The following RBFOX1 variants were observed in gnomAD, a reference collection of about 807,000 sequenced individuals.
RBFOX1 encodes the protein RNA binding fox-1 homolog 1.
A neutral mutation model predicts 57.7 loss-of-function variants in RBFOX1; 8 were observed. The observed-to-expected ratio is 0.14, with a 90% CI of 0.08 to 0.25. The LOEUF is 0.25. Ranked by LOEUF, RBFOX1 falls within the 10% of genes least tolerant of loss-of-function variation. RBFOX1 has a pLI of 1.00. For synonymous variants in RBFOX1, 326 were observed against 222.4 expected, an observed-to-expected ratio of 1.47 and a Z score of -4.15; for missense variants, 611 against 548.5, an observed-to-expected ratio of 1.11 and a Z score of -1.14.
chr16:5,907,472 G>A (rs2152199298), intron 4 of RBFOX1, among the ~76,000 whole-genome samples: 1 of 152,172 alleles, frequency 6.6e-6, no homozygotes, highest in South Asian at 2.1e-4. Context: ...GTGACATTGT[G>A]ATCCACATCT....
At chr16:7,418,485 C>A (rs951206614) in intron 4 of RBFOX1, among the ~76,000 whole-genome samples, 5 of 152,202 alleles carry the variant, frequency 3.3e-5, no homozygotes, top group African/African-American at 4.8e-5. Context: ...ATTACGCATT[C>A]TGTGTCTCTG....
chr16:6,661,667 G>A (rs2098702385), intron 3 of RBFOX1, among the ~76,000 whole-genome samples: 1 of 152,200 alleles, frequency 6.6e-6, no homozygotes, highest in Non-Finnish European at 1.5e-5. Context: ...CTGGGTGAAT[G>A]CAGGAAGCTG....
intron 3 of RBFOX1, among the ~76,000 whole-genome samples, chr16:5,788,750 C>T (rs537636585): frequency 6.6e-6 from 1 of 152,318 alleles, no homozygotes; most frequent in Non-Finnish European, 1.5e-5. Context: ...CACATTCACA[C>T]ACACACACAG....
At chr16:7,197,240 G>C (rs1447189227) in intron 4 of RBFOX1, among the ~76,000 whole-genome samples, 1 of 152,248 alleles carries the variant, frequency 6.6e-6, no homozygotes, top group South Asian at 2.1e-4. Context: ...TAGGGATGAA[G>C]AAAATGAATA....
intron 3 of RBFOX1, among the ~76,000 whole-genome samples, chr16:7,001,006 C>T (rs186384659): frequency 1.3e-5 from 2 of 152,054 alleles, no homozygotes; most frequent in Admixed American, 6.6e-5. Flanking sequence ...CAACCATTAC[C>T]ATCACTCCTT....
intron 4 of RBFOX1, among the ~76,000 whole-genome samples, chr16:5,970,064 G>A (rs1258067690): frequency 6.6e-6 from 1 of 152,052 alleles, no homozygotes; most frequent in African/African-American, 2.4e-5. Flanking sequence ...ACACATTGCT[G>A]CCACTGCCTC....
chr16:6,824,983 G>GTTTTTTTGTTTTTTT (rs2091916629), intron 3 of RBFOX1, among the ~76,000 whole-genome samples: 1 of 36,878 alleles, frequency 2.7e-5, no homozygotes, highest in Non-Finnish European at 5.9e-5. Flanking sequence ...TTCTTTCTTG[G>GTTTTTTTGTTTTTTT]TTTTTTTTTT....
At chr16:6,500,814 G>A (rs992398260) in intron 2 of RBFOX1, among the ~76,000 whole-genome samples, 8 of 150,888 alleles carry the variant, frequency 5.3e-5, no homozygotes, top group African/African-American at 2.0e-4. Context: ...AAAAATCATC[G>A]TGTTTTAAAG....
chr16:6,428,011 G>A (rs771409119), intron 2 of RBFOX1, among the ~76,000 whole-genome samples: 25 of 152,094 alleles, frequency 1.6e-4, no homozygotes, highest in Non-Finnish European at 3.1e-4. Flanking sequence ...GGCCGGGCAC[G>A]GTGGCTCATG....
intron 3 of RBFOX1, among the ~76,000 whole-genome samples, chr16:6,907,489 C>T (rs1567821851): frequency 6.6e-6 from 1 of 152,154 alleles, no homozygotes; most frequent in Non-Finnish European, 1.5e-5. Context: ...GATCAAGATG[C>T]CAGCAGGGGT....
intron 3 of RBFOX1, among the ~76,000 whole-genome samples, chr16:6,799,918 T>C (rs74007064): frequency 0.062 from 9,363 of 152,218 alleles, 979 homozygotes; most frequent in African/African-American, 0.21. Context: ...AGTTTGCAGA[T>C]GGCTTATAGT....
At chr16:7,257,503 T>A (rs1440252087) in intron 4 of RBFOX1, among the ~76,000 whole-genome samples, 1 of 152,190 alleles carries the variant, frequency 6.6e-6, no homozygotes, top group Non-Finnish European at 1.5e-5. Flanking sequence ...GGGTTTCACC[T>A]GCTTAATGAG....
chr16:5,649,455 C>T (rs1042083533), intron 3 of RBFOX1, among the ~76,000 whole-genome samples: 1 of 152,176 alleles, frequency 6.6e-6, no homozygotes, highest in African/African-American at 2.4e-5. Context: ...CAGGCATGAG[C>T]CACCATGCCG....
intron 4 of RBFOX1, among the ~76,000 whole-genome samples, chr16:7,314,391 C>G (rs1197922445): frequency 6.6e-6 from 1 of 152,192 alleles, no homozygotes; most frequent in South Asian, 2.1e-4. Flanking sequence ...GCAGTGAAGA[C>G]TGCTTCATAA....
chr16:6,483,393 T>C, intron 2 of RBFOX1: 6 of 1,532,226 alleles, frequency 3.9e-6, no homozygotes, highest in Non-Finnish European at 5.2e-6. Flanking sequence ...GACAGATGAC[T>C]GGAGTCATTT....
intron 1 of RBFOX1, among the ~76,000 whole-genome samples, chr16:5,365,390 A>C (rs35021435): frequency 0.3 from 46,238 of 152,144 alleles, 7,346 homozygotes; most frequent in Non-Finnish European, 0.33. Context: ...GTTACCGGCT[A>C]GGCACAGTGT....
Position 7,124,906 on chromosome 16 carries a change from A to T in RBFOX1, c.27+72808A>T, listed in dbSNP as rs149286059. Among the ~76,000 whole-genome samples, 9 of 152,234 alleles carry T rather than the reference A, an allele frequency of 5.9e-5. 1 individual carries two copies. In the South Asian group the frequency reaches 1.5e-3, roughly 25 times the overall value. ...TATTTCACCAGCCAGTGACAGCGTTATGAGCTAATTAAAATCTGAGCCCTG... is the reference window on the plus strand; with the variant it reads ...TATTTCACCAGCCAGTGACAGCGTTTTGAGCTAATTAAAATCTGAGCCCTG... On this transcript the variant is annotated intron_variant, in intron 4 of 15. Transcript: ENST00000550418.
At chr16:6,970,170 TC>T (rs1171355416) in intron 3 of RBFOX1, among the ~76,000 whole-genome samples, 2 of 150,686 alleles carry the variant, frequency 1.3e-5, no homozygotes, top group African/African-American at 2.4e-5. Flanking sequence ...AGAACAAGAC[TC>T]TGGGGGGAAA....
intron 4 of RBFOX1, among the ~76,000 whole-genome samples, chr16:7,387,089 A>G (rs1406024135): frequency 1.3e-5 from 2 of 151,878 alleles, no homozygotes; most frequent in African/African-American, 2.4e-5. Context: ...TTTTCTTGTA[A>G]ATTTGTTTAA....
Sources: gnomAD v4.1 joint callset for allele counts (sites outside exome capture counted in the v4.1 genomes callset) on GRCh38, gnomAD v4.1.1 for gene constraint, MANE v1.5 for transcripts, NCBI Gene and HGNC (gene_info 2026-07-23, HGNC 2026-07-21) for gene names.